RBPJ: variants seen among roughly 807,000 people sequenced by gnomAD.
The protein encoded by RBPJ is recombining binding protein suppressor of hairless.
Under a neutral mutation model 67.8 loss-of-function variants are expected in RBPJ, and 9 were observed. That is an observed-to-expected ratio of 0.13 (90% CI 0.08 to 0.23). The LOEUF (loss-of-function observed/expected upper bound fraction) is 0.23, where lower values mean the gene tolerates loss of function less well. Ranked by LOEUF, RBPJ falls within the 10% of genes least tolerant of loss-of-function variation. The pLI is 1.00. For missense variants in RBPJ, 305 were observed against 595.6 expected (o/e 0.51, Z 5.08); for synonymous variants, 198 against 203.3 (o/e 0.97, Z 0.22).
At chr4:26,389,237 A>G (rs1281840637) in intron 2 of RBPJ, among the ~76,000 whole-genome samples, 1 of 151,944 alleles carries the variant, frequency 6.6e-6, no homozygotes, top group Non-Finnish European at 1.5e-5. Flanking sequence ...TAAAAAAAAA[A>G]TCAGTTAATC....
the RBPJ span, among the ~76,000 whole-genome samples, chr4:26,139,523 G>T: frequency 6.6e-6 from 1 of 152,248 alleles, no homozygotes; most frequent in South Asian, 2.1e-4. Flanking sequence ...CTGCAGCTCA[G>T]TGAAGCTGTG....
chr4:26,259,904 A>C (rs1030207213), intron 1 of RBPJ, among the ~76,000 whole-genome samples: 7 of 152,336 alleles, frequency 4.6e-5, no homozygotes, highest in South Asian at 4.1e-4. Context: ...TTATCCCCAC[A>C]AACTTTTCAT....
intron 1 of RBPJ, among the ~76,000 whole-genome samples, chr4:26,195,739 C>A (rs1039503094): frequency 6.6e-6 from 1 of 151,992 alleles, no homozygotes; most frequent in African/African-American, 2.4e-5. Context: ...GGATTACAGG[C>A]GCCCACCACT....
intron 1 of RBPJ, among the ~76,000 whole-genome samples, chr4:26,175,449 G>A (rs1341050664): frequency 2.0e-5 from 3 of 152,200 alleles, no homozygotes; most frequent in South Asian, 2.1e-4. Flanking sequence ...ACAAAGAAAG[G>A]AGCAGGAGTA....
At chr4:26,209,287 T>C (rs1718281475) in intron 1 of RBPJ, among the ~76,000 whole-genome samples, 2 of 152,070 alleles carry the variant, frequency 1.3e-5, no homozygotes, top group Admixed American at 6.5e-5. Flanking sequence ...GCTGATGTGG[T>C]GACTTTTGGT....
At chr4:26,349,418 CTTCTT>C (rs942807837) in intron 1 of RBPJ, among the ~76,000 whole-genome samples, 3 of 152,152 alleles carry the variant, frequency 2.0e-5, no homozygotes, top group African/African-American at 7.2e-5. Context: ...TTAAATATCA[CTTCTT>C]TTTATCTTTT....
the RBPJ span, among the ~76,000 whole-genome samples, chr4:26,120,168 T>C: frequency 2.6e-5 from 4 of 152,188 alleles, no homozygotes; most frequent in African/African-American, 9.7e-5. Context: ...GCAGTAGTAG[T>C]AGACATAGAC....
chr4:26,249,527 G>A (rs563464096), intron 1 of RBPJ, among the ~76,000 whole-genome samples: 16 of 151,958 alleles, frequency 1.1e-4, no homozygotes, highest in African/African-American at 3.6e-4. Flanking sequence ...CGGGCATGGT[G>A]GTGGGTGCCT....
chr4:26,192,361 C>G (rs1269896170), intron 1 of RBPJ, among the ~76,000 whole-genome samples: 2 of 152,092 alleles, frequency 1.3e-5, no homozygotes, highest in Admixed American at 1.3e-4. Context: ...TTGTGTCTAA[C>G]TTTTTTCACT....
intron 1 of RBPJ, among the ~76,000 whole-genome samples, chr4:26,206,699 G>C (rs1190185300): frequency 6.9e-6 from 1 of 144,014 alleles, no homozygotes; most frequent in African/African-American, 2.6e-5. Flanking sequence ...AAAGTTCAAA[G>C]TTAAACTCCA....
intron 1 of RBPJ, among the ~76,000 whole-genome samples, chr4:26,370,646 A>G (rs1400634899): frequency 6.6e-6 from 1 of 152,232 alleles, no homozygotes; most frequent in Non-Finnish European, 1.5e-5. Flanking sequence ...TTCATTAAAG[A>G]ACATTGCTTG....
chr4:26,318,062 C>T (rs1187949536), upstream of RBPJ, among the ~76,000 whole-genome samples: 1 of 151,956 alleles, frequency 6.6e-6, no homozygotes, highest in Non-Finnish European at 1.5e-5. Flanking sequence ...TGAGATATTG[C>T]ACCAAATGGT....
intron 1 of RBPJ, among the ~76,000 whole-genome samples, chr4:26,212,445 T>C (rs1256694440): frequency 6.9e-6 from 1 of 144,210 alleles, no homozygotes; most frequent in African/African-American, 2.6e-5. Flanking sequence ...TTTTTTTTTT[T>C]TTTTTTTTTG....
intron 1 of RBPJ, among the ~76,000 whole-genome samples, chr4:26,278,198 C>T (rs368786428): frequency 5.7e-4 from 87 of 152,294 alleles, no homozygotes; most frequent in African/African-American, 2.0e-3. Flanking sequence ...TTCAATTTTT[C>T]ATCTAAAGAT....
At chr4:26,208,098 A>G (rs1718233709) in intron 1 of RBPJ, among the ~76,000 whole-genome samples, 1 of 152,252 alleles carries the variant, frequency 6.6e-6, no homozygotes, top group Non-Finnish European at 1.5e-5. Context: ...CTGGGCTTCA[A>G]GCGCAACAGA....
intron 1 of RBPJ, among the ~76,000 whole-genome samples, chr4:26,287,205 C>T (rs955509776): frequency 2.0e-5 from 3 of 151,794 alleles, no homozygotes; most frequent in Non-Finnish European, 4.4e-5. Flanking sequence ...GAGATCTGTG[C>T]TCAAAAATAA....
intron 1 of RBPJ, among the ~76,000 whole-genome samples, chr4:26,181,203 A>G (rs1716976048): frequency 6.6e-6 from 1 of 152,132 alleles, no homozygotes; most frequent in South Asian, 2.1e-4. Flanking sequence ...TATTGCTCGG[A>G]TTTCTCTTCT....
chr4:26,412,467 A>G (rs1734132893), intron 3 of RBPJ, among the ~76,000 whole-genome samples: 1 of 152,086 alleles, frequency 6.6e-6, no homozygotes, highest in Admixed American at 6.5e-5. Context: ...CCTGGCCTCA[A>G]GTGATCTGCC....
At chr4:26,316,300 T>C (rs1722609926), upstream of RBPJ, among the ~76,000 whole-genome samples, 1 of 147,984 alleles carries the variant, frequency 6.8e-6, no homozygotes, top group Admixed American at 6.8e-5. Flanking sequence ...CATATACACA[T>C]ATATACATTC....
Sources: gnomAD v4.1 joint callset for allele counts (sites outside exome capture counted in the v4.1 genomes callset) on GRCh38, gnomAD v4.1.1 for gene constraint, MANE v1.5 for transcripts, NCBI Gene and HGNC (gene_info 2026-07-23, HGNC 2026-07-21) for gene names.